Variants in NPM1 observed in about 807,000 individuals in gnomAD.
The protein encoded by NPM1 is nucleophosmin 1.
In NPM1, 1 loss-of-function variant was observed where a neutral mutation model predicts 44.1. The ratio of observed to expected loss-of-function variants is 0.02; its 90% CI spans 0.01 to 0.11. NPM1 has a LOEUF of 0.11. NPM1 is among the 10% of genes least tolerant of loss of function. NPM1 has a pLI of 1.00. For missense variants in NPM1, 197 were observed against 347.8 expected (o/e 0.57, Z 3.45); for synonymous variants, 126 against 111.8 (o/e 1.13, Z -0.80).
chr5:171,405,510 A>G, intron 9 of NPM1, 107 bp downstream of exon 9: 2 of 667,410 alleles, frequency 3.0e-6, no homozygotes, highest in East Asian at 2.8e-5. Flanking sequence ...TTGGTTTAAT[A>G]TACTTGCCTG....
chr5:171,393,242 A>G (rs571032727), intron 6 of NPM1, among the ~76,000 whole-genome samples: 1 of 152,282 alleles, frequency 6.6e-6, no homozygotes, highest in African/African-American at 2.4e-5. Flanking sequence ...GTGAAGTTTG[A>G]TTATGTCCCT....
intron 8 of NPM1, among the ~76,000 whole-genome samples, chr5:171,402,116 A>G (rs1333366619): frequency 7.0e-6 from 1 of 143,398 alleles, no homozygotes; most frequent in Non-Finnish European, 1.5e-5. Context: ...TAAATTTCAT[A>G]TTCTACAACA....
intron 6 of NPM1, among the ~76,000 whole-genome samples, chr5:171,393,841 T>C (rs1770721900): frequency 6.6e-6 from 1 of 152,102 alleles, no homozygotes; most frequent in South Asian, 2.1e-4. Context: ...AGCTTAAAAA[T>C]TCAAAGTATG....
At chr5:171,398,654 C>T (rs1045832263) in intron 6 of NPM1, among the ~76,000 whole-genome samples, 1 of 152,004 alleles carries the variant, frequency 6.6e-6, no homozygotes, top group Non-Finnish European at 1.5e-5. Flanking sequence ...GCCTGTAGTC[C>T]CAGCTACTCA....
intron 6 of NPM1, 44 bp downstream of exon 6, chr5:171,393,022 C>CA: frequency 1.3e-6 from 2 of 1,569,144 alleles, no homozygotes; most frequent in Non-Finnish European, 1.7e-6. Context: ...GGAATCTTGA[C>CA]AAAAAAAGGA....
At chr5:171,399,514 G>C (rs912534852) in intron 6 of NPM1, among the ~76,000 whole-genome samples, 2 of 152,122 alleles carry the variant, frequency 1.3e-5, no homozygotes, top group Non-Finnish European at 2.9e-5. Context: ...TAGGATTATA[G>C]GTGTGAGACA....
In NPM1 at chr5:171,391,302, C is replaced by T. The variant is rs1246177286; in HGVS notation, c.139-3C>T. ...TGAAGTAGTATTTTTTTTTTGTTCA[C>T]AGGTCAGTTTAGGGGCTGGTGCAAA... On this transcript the variant is annotated splice_region_variant and splice_polypyrimidine_tract_variant and intron_variant, in intron 2 of 10. Coordinates refer to ENST00000296930, the MANE Select transcript of NPM1 (RefSeq NM_002520.7). 3.7e-6 allele frequency: 6 copies of T among 1,600,718 alleles called. No individual in the cohort carries two copies. Among genetic ancestry groups the T allele is most frequent in the Middle Eastern group, 1.7e-4 (1 of 5,950 alleles).
chr5:171,407,437 A>T (rs1771630658), intron 9 of NPM1: 1 of 444,664 alleles, frequency 2.2e-6, no homozygotes, highest in Non-Finnish European at 3.9e-6. Flanking sequence ...TCGAATCTCA[A>T]GTGTAGCTTA....
intron 9 of NPM1, chr5:171,406,778 T>A: frequency 1.0e-6 from 1 of 988,516 alleles, no homozygotes; most frequent in Non-Finnish European, 1.2e-6. Flanking sequence ...GAGGTTTATT[T>A]TACTAGGTTA....
At chr5:171,396,851 C>G (rs1013087117) in intron 6 of NPM1, among the ~76,000 whole-genome samples, 5 of 152,072 alleles carry the variant, frequency 3.3e-5, no homozygotes, top group Non-Finnish European at 5.9e-5. Flanking sequence ...TGGGCGCTTG[C>G]AATCCCAGCT....
intron 10 of NPM1, among the ~76,000 whole-genome samples, chr5:171,409,852 T>C (rs1771737676): frequency 6.7e-6 from 1 of 149,518 alleles, no homozygotes; most frequent in Non-Finnish European, 1.5e-5. Flanking sequence ...TACCCATCTG[T>C]AGTGTGATCT....
intron 10 of NPM1, among the ~76,000 whole-genome samples, chr5:171,409,468 C>CT (rs1771718657): frequency 6.6e-6 from 1 of 152,140 alleles, no homozygotes; most frequent in African/African-American, 2.4e-5. Flanking sequence ...AGGAGGATCG[C>CT]TTGAACCTGG....
At chr5:171,407,532 A>C (rs116635235) in intron 9 of NPM1, 168 bp from the exon 10 acceptor site, 6 of 628,806 alleles carry the variant, frequency 9.5e-6, no homozygotes, top group Non-Finnish European at 1.7e-5. Context: ...CATGCTGCCC[A>C]ATAGGGCTTT....
intron 1 of NPM1, 146 bp from the exon 2 acceptor site, chr5:171,389,905 A>G: frequency 1.6e-6 from 1 of 613,138 alleles, no homozygotes; most frequent in Admixed American, 3.5e-5. Flanking sequence ...CAAGAAATCT[A>G]GGAATTGATC....
chr5:171,393,069 G>T, intron 6 of NPM1, 91 bp downstream of exon 6: 1 of 1,485,184 alleles, frequency 6.7e-7, no homozygotes, highest in Non-Finnish European at 9.0e-7. Context: ...TTTTATAAAA[G>T]TCATTTACAA....
At chr5:171,401,386 A>G (rs1771190879) in intron 8 of NPM1, among the ~76,000 whole-genome samples, 1 of 148,602 alleles carries the variant, frequency 6.7e-6, no homozygotes, top group Non-Finnish European at 1.5e-5. Flanking sequence ...TGTTGTAGGT[A>G]CACACACACA....
At chr5:171,392,660 C>A in intron 4 of NPM1, 50 bp from the exon 5 acceptor site, 8 of 1,016,652 alleles carry the variant, frequency 7.9e-6, no homozygotes, top group African/African-American at 2.1e-5. Flanking sequence ...CTTTTTTTTT[C>A]TGACTTCTTG....
At chr5:171,391,073 C>A (rs1359319921) in intron 2 of NPM1, 7 of 422,136 alleles carry the variant, frequency 1.7e-5, no homozygotes, top group Non-Finnish European at 2.5e-5. Flanking sequence ...TTACAGTATT[C>A]AGTACAGTAA....
At chr5:171,406,578 C>G (rs1208264173) in intron 9 of NPM1, 1 of 1,428,590 alleles carries the variant, frequency 7.0e-7, no homozygotes, top group Non-Finnish European at 9.2e-7. Context: ...GAAACAATCT[C>G]TTGGTTCCCT....
Sources: gnomAD v4.1 joint callset for allele counts (sites outside exome capture counted in the v4.1 genomes callset) on GRCh38, gnomAD v4.1.1 for gene constraint, MANE v1.5 for transcripts, NCBI Gene and HGNC (gene_info 2026-07-23, HGNC 2026-07-21) for gene names.